EPHA7: variants seen among roughly 807,000 people sequenced by gnomAD.
EPHA7 encodes EPH receptor A7.
EPHA7 carries 25 observed loss-of-function variants against 112.6 expected under a neutral mutation model. The observed-to-expected ratio is 0.22, with a 90% CI of 0.16 to 0.31. The LOEUF (loss-of-function observed/expected upper bound fraction) is 0.31, where lower values mean the gene tolerates loss of function less well. Among genes scored for constraint, EPHA7 ranks in the 10% least tolerant of loss-of-function variants. The pLI is 1.00. For synonymous variants in EPHA7, 437 were observed against 406.5 expected, an observed-to-expected ratio of 1.07 and a Z score of -0.90; for missense variants, 962 against 1,212.6, an observed-to-expected ratio of 0.79 and a Z score of 3.07.
intron 5 of EPHA7, among the ~76,000 whole-genome samples, chr6:93,308,607 A>G (rs752279872): frequency 4.6e-5 from 7 of 152,162 alleles, no homozygotes; most frequent in Non-Finnish European, 1.0e-4. Context: ...TTTGAAATTT[A>G]TTTGTTAAAA....
chr6:93,419,160 C>T (rs1244762912), intron 1 of EPHA7, 85 bp downstream of exon 1: 6 of 1,140,780 alleles, frequency 5.3e-6, no homozygotes, highest in Non-Finnish European at 6.0e-6. Context: ...GAGGCGCGGC[C>T]GGCAGCGCCG....
At chr6:93,391,723 G>A (rs558972379) in intron 3 of EPHA7, among the ~76,000 whole-genome samples, 1 of 151,856 alleles carries the variant, frequency 6.6e-6, no homozygotes, top group Non-Finnish European at 1.5e-5. Context: ...GGATGAGAGG[G>A]AGAAACAGAG....
intron 5 of EPHA7, among the ~76,000 whole-genome samples, chr6:93,305,617 A>G (rs542646087): frequency 6.6e-6 from 1 of 152,044 alleles, no homozygotes; most frequent in South Asian, 2.1e-4. Flanking sequence ...TCATTCTTCA[A>G]TAAAATTTAA....
chr6:93,244,531 T>C lies in EPHA7; in HGVS notation c.2882+767A>G, dbSNP rs9345342. On this transcript the variant is annotated intron_variant, in intron 16 of 16. Transcript: ENST00000369303. The stretch of plus-strand genomic sequence containing the variant: ...GGAACTATGTCACCCATGAAAGTCA[T>C]GCTGCAGCCAAGTCAACTGAGGTTC... 2.0e-3 allele frequency among the ~76,000 whole-genome samples: 298 copies of C among 152,238 alleles called. 11 individuals carry two copies. In the East Asian group the frequency reaches 0.054, roughly 27 times the overall value.
intron 5 of EPHA7, among the ~76,000 whole-genome samples, chr6:93,296,217 A>G (rs1772655162): frequency 6.7e-6 from 1 of 148,636 alleles, no homozygotes; most frequent in Admixed American, 6.8e-5. Flanking sequence ...GCCATTATGG[A>G]AAACAATATG....
intron 5 of EPHA7, among the ~76,000 whole-genome samples, chr6:93,313,782 C>T (rs371110989): frequency 5.9e-4 from 90 of 151,880 alleles, no homozygotes; most frequent in African/African-American, 2.1e-3. Context: ...AGTTTCTTTA[C>T]CCTGTAATGA....
At chr6:93,380,539 C>T (rs1777286191) in intron 3 of EPHA7, among the ~76,000 whole-genome samples, 2 of 152,014 alleles carry the variant, frequency 1.3e-5, no homozygotes. Context: ...ATGAGAATAT[C>T]AGTTTTTACA....
intron 7 of EPHA7, among the ~76,000 whole-genome samples, chr6:93,268,281 G>T (rs1319355082): frequency 1.3e-5 from 2 of 151,546 alleles, no homozygotes; most frequent in African/African-American, 4.8e-5. Context: ...ATTATTTGTG[G>T]CTATAAGAGT....
At position 93,244,638 on chromosome 6, in the gene EPHA7, T is replaced by C. The variant is rs1769863936; in HGVS notation, c.2882+660A>G. Among the ~76,000 whole-genome samples, 3 of 152,006 alleles carry C rather than the reference T, an allele frequency of 2.0e-5. No homozygotes were observed. In the South Asian group the frequency reaches 6.2e-4, roughly 31 times the overall value. On this transcript the variant is annotated intron_variant, in intron 16 of 16. Transcript: ENST00000369303. Reference sequence around the variant, plus strand: ...GTGAGTTCTTTTAACTTCAAGTTCATAGAAATTTCAAAAGTTGCTTTATCA... The same window carrying C: ...GTGAGTTCTTTTAACTTCAAGTTCACAGAAATTTCAAAAGTTGCTTTATCA...
intron 5 of EPHA7, among the ~76,000 whole-genome samples, chr6:93,341,454 G>A (rs4706437): frequency 0.23 from 34,443 of 151,368 alleles, 4,619 homozygotes; most frequent in East Asian, 0.59. Flanking sequence ...AATCAGTTTC[G>A]GAAATTAAGA....
At chr6:93,374,983 C>G (rs1389990602) in intron 3 of EPHA7, among the ~76,000 whole-genome samples, 1 of 152,080 alleles carries the variant, frequency 6.6e-6, no homozygotes, top group African/African-American at 2.4e-5. Flanking sequence ...TAGTTTTTAA[C>G]ATTTTTGCAA....
intron 5 of EPHA7, among the ~76,000 whole-genome samples, chr6:93,273,918 T>C (rs1263766868): frequency 1.3e-5 from 2 of 151,904 alleles, no homozygotes; most frequent in African/African-American, 2.4e-5. Flanking sequence ...CTCCAACTAA[T>C]TGTGACATGA....
At chr6:93,311,397 C>G (rs1374254980) in intron 5 of EPHA7, among the ~76,000 whole-genome samples, 2 of 152,110 alleles carry the variant, frequency 1.3e-5, no homozygotes, top group African/African-American at 2.4e-5. Context: ...CAACAATATT[C>G]AAAGAGTCTC....
At chr6:93,375,948 T>C (rs888193890) in intron 3 of EPHA7, among the ~76,000 whole-genome samples, 7 of 152,088 alleles carry the variant, frequency 4.6e-5, no homozygotes, top group African/African-American at 1.7e-4. Context: ...ATTTCTCCTA[T>C]CCAGTGGGTC....
intron 3 of EPHA7, among the ~76,000 whole-genome samples, chr6:93,369,128 T>A (rs1276812291): frequency 2.1e-5 from 3 of 146,316 alleles, no homozygotes; most frequent in East Asian, 2.0e-4. Flanking sequence ...CTTTCTTTTT[T>A]AAAAAAAAGA....
At chr6:93,407,398 T>C (rs1291903873) in intron 3 of EPHA7, among the ~76,000 whole-genome samples, 1 of 152,002 alleles carries the variant, frequency 6.6e-6, no homozygotes, top group Non-Finnish European at 1.5e-5. Flanking sequence ...AAGGCAAGCC[T>C]GGAGTGATTC....
At chr6:93,317,108 A>T (rs1773852785) in intron 5 of EPHA7, among the ~76,000 whole-genome samples, 1 of 152,092 alleles carries the variant, frequency 6.6e-6, no homozygotes, top group African/African-American at 2.4e-5. Flanking sequence ...TCTTTCTTCT[A>T]GGATGCAAGC....
chr6:93,321,622 C>T (rs1441663865), intron 5 of EPHA7, among the ~76,000 whole-genome samples: 2 of 151,872 alleles, frequency 1.3e-5, no homozygotes, highest in African/African-American at 4.8e-5. Flanking sequence ...TCTGACTAGA[C>T]TTCTGGAATT....
intron 5 of EPHA7, among the ~76,000 whole-genome samples, chr6:93,344,440 G>A (rs1487076595): frequency 6.6e-6 from 1 of 151,528 alleles, no homozygotes. Context: ...AACAAAGGCA[G>A]TAATTTTTTC....
Sources: allele counts gnomAD v4.1 joint callset (sites outside exome capture counted in the v4.1 genomes callset), GRCh38; gene constraint gnomAD v4.1.1; transcripts MANE v1.5; gene names NCBI Gene and HGNC (gene_info 2026-07-23, HGNC 2026-07-21).